The following UMAD1 variants were observed in gnomAD, a reference collection of about 807,000 sequenced individuals.
UMAD1 encodes the protein UBAP1-MVB12-associated (UMA)-domain containing protein 1.
Under a neutral mutation model 6.1 loss-of-function variants are expected in UMAD1, and 8 were observed. That is an observed-to-expected ratio of 1.30 (90% CI 0.76 to 2.35). The LOEUF is 2.35. Among genes scored for constraint, UMAD1 ranks in the 30% most tolerant of loss-of-function variants. The pLI, the probability that UMAD1 is intolerant of heterozygous loss-of-function variation, is 0.00. For missense variants in UMAD1, 130 were observed against 78.4 expected (o/e 1.66, Z -2.49); for synonymous variants, 56 against 31.4 (o/e 1.78, Z -2.61).
At position 7,878,364 on chromosome 7, in the gene UMAD1, G is replaced by C. The variant is rs1379041683; in HGVS notation, c.*826G>C. On this transcript the variant is annotated 3_prime_UTR_variant, in exon 4 of 4. Transcript: ENST00000682710. ...TGCCTCCTGAAGAAAAACATCTCAT[G>C]ATGATACATATTATTGCTGATAACA... is the stretch of plus-strand genomic sequence containing the variant. 3 of 152,148 alleles carry C rather than the reference G, an allele frequency of 2.0e-5. No individual in the cohort carries two copies. The highest frequency in any genetic ancestry group is 2.1e-4 in the South Asian group (1 of 4,822). 9.4% of individuals were successfully genotyped at this position (152,148 alleles called of 1,614,324 possible). A position where few individuals can be genotyped will look rare whatever the true frequency, so the allele number is the denominator to read the frequency against.
chr7:7,849,161 T>A (rs1276491323), intron 3 of UMAD1, among the ~76,000 whole-genome samples: 1 of 152,204 alleles, frequency 6.6e-6, no homozygotes, highest in African/African-American at 2.4e-5. Context: ...TGAGGATCTT[T>A]GCCAACATTA....
At chr7:7,776,304 A>T (rs1782206550) in intron 2 of UMAD1, among the ~76,000 whole-genome samples, 1 of 152,222 alleles carries the variant, frequency 6.6e-6, no homozygotes, top group Non-Finnish European at 1.5e-5. Context: ...CTAGAAAAGA[A>T]ATAAAAATAT....
chr7:7,821,242 C>T (rs1563233782), intron 3 of UMAD1, among the ~76,000 whole-genome samples: 1 of 151,958 alleles, frequency 6.6e-6, no homozygotes. Flanking sequence ...CCGCTTGTGG[C>T]TATTGAGCAC....
At chr7:7,665,327 G>A (rs576295352) in intron 1 of UMAD1, among the ~76,000 whole-genome samples, 1 of 152,288 alleles carries the variant, frequency 6.6e-6, no homozygotes, top group African/African-American at 2.4e-5. Flanking sequence ...CGCAGTCTGT[G>A]TATACCATTA....
intron 2 of UMAD1, among the ~76,000 whole-genome samples, chr7:7,778,419 TTTTC>T (rs1396490420): frequency 2.0e-5 from 3 of 151,786 alleles, no homozygotes; most frequent in Admixed American, 6.6e-5. Flanking sequence ...TTTTTCTTTT[TTTTC>T]TTTCTTTCTT....
rs1476334564 is a variant in UMAD1 at position 7,722,155 on chromosome 7, C to CTA, written c.82+48703_82+48704insAT. Among the ~76,000 whole-genome samples, 814 of 142,622 alleles carry CTA rather than the reference C, an allele frequency of 5.7e-3. 5 individuals are homozygous for CTA. The highest frequency in any genetic ancestry group is 0.02 in the African/African-American group (707 of 34,982). The allele number at this position is 142,622 out of a possible 152,430, so 93.6% of individuals were successfully genotyped here. On this transcript the variant is annotated intron_variant, in intron 2 of 3. Transcript: ENST00000682710. ...ACTCCTTAATAAACTCTCTCTCTCT[C>CTA]TCTATATATATATATGTATATATAT...
rs1412715722 is a variant in UMAD1, at chr7:7,877,914, A to G, written c.*376A>G. ...AAGTCTGAGCAAGAAGTGGGTGTGA[A>G]GTCTCCTCTCTGGTTTGTAGGAAGT... On this transcript the variant is annotated 3_prime_UTR_variant, in exon 4 of 4. Coordinates refer to ENST00000682710, the MANE Select transcript of UMAD1 (RefSeq NM_001302348.2). The G allele has an allele frequency of 5.5e-6, 1 of 181,806 alleles. No homozygotes were observed. Among genetic ancestry groups the G allele is most frequent in the Non-Finnish European group, 1.2e-5 (1 of 86,674 alleles). The allele number at this position is 181,806 out of a possible 1,614,324, so 11.3% of individuals were successfully genotyped here. A position where few individuals can be genotyped will look rare whatever the true frequency, so the allele number is the denominator to read the frequency against.
At chr7:7,688,506 A>G (rs1438535913) in intron 2 of UMAD1, among the ~76,000 whole-genome samples, 1 of 152,162 alleles carries the variant, frequency 6.6e-6, no homozygotes, top group Non-Finnish European at 1.5e-5. Context: ...TTCCTCATGC[A>G]GAGTGCCCAG....
chr7:7,764,240 A>T (rs1781945823), intron 2 of UMAD1, among the ~76,000 whole-genome samples: 2 of 152,176 alleles, frequency 1.3e-5, no homozygotes, highest in Non-Finnish European at 2.9e-5. Context: ...GAAATCTCTT[A>T]CAAATGTCAG....
At chr7:7,820,080 G>T (rs1783212112) in intron 3 of UMAD1, among the ~76,000 whole-genome samples, 1 of 152,022 alleles carries the variant, frequency 6.6e-6, no homozygotes, top group Non-Finnish European at 1.5e-5. Context: ...CAAATTTTAG[G>T]GCATCACAGG....
At chr7:7,876,512 C>T (rs1784422638) in intron 3 of UMAD1, among the ~76,000 whole-genome samples, 1 of 152,124 alleles carries the variant, frequency 6.6e-6, no homozygotes, top group South Asian at 2.1e-4. Context: ...AAATAAATTT[C>T]AGTTTATTAT....
At position 7,830,286 on chromosome 7, in the gene UMAD1, T is replaced by C. The variant is rs1783436081; in HGVS notation, c.156+28543T>C. 1.3e-5 allele frequency among the ~76,000 whole-genome samples: 2 copies of C among 152,084 alleles called. No individual in the cohort carries two copies. Among genetic ancestry groups the C allele is most frequent in the Admixed American group, 1.3e-4 (2 of 15,258 alleles). ...CTGTCTGCTTGCTAAAGATTGAGTG[T>C]GGAATACCTTTTTTGTAGCAGCTGC... On this transcript the variant is annotated intron_variant, in intron 3 of 3. Transcript: ENST00000682710. The surrounding 1 kb of genome is among the most constrained non-coding windows in gnomAD (Gnocchi z 5.3).
At chr7:7,662,080 G>C (rs1357282587) in intron 1 of UMAD1, among the ~76,000 whole-genome samples, 1 of 152,172 alleles carries the variant, frequency 6.6e-6, no homozygotes, top group Admixed American at 6.5e-5. Flanking sequence ...TGCCCAGTTG[G>C]ATCTTTCCCG....
chr7:7,844,567 T>C (rs1783749012), intron 3 of UMAD1, among the ~76,000 whole-genome samples: 1 of 152,216 alleles, frequency 6.6e-6, no homozygotes, highest in Admixed American at 6.5e-5. Context: ...AAGATCAAAA[T>C]GACAGCTCTT....
intron 3 of UMAD1, among the ~76,000 whole-genome samples, chr7:7,841,841 T>A (rs1783688022): frequency 6.6e-6 from 1 of 152,186 alleles, no homozygotes; most frequent in Non-Finnish European, 1.5e-5. Context: ...GAGACATACC[T>A]CCTATATTTT....
At chr7:7,699,049 TGG>T (rs63713363) in intron 2 of UMAD1, among the ~76,000 whole-genome samples, 51,204 of 143,612 alleles carry the variant, frequency 0.36, 8,855 homozygotes, top group South Asian at 0.39. Context: ...TGTGTGTGTG[TGG>T]GGGGGGGGTA....
chr7:7,779,340 A>T (rs1403682101), intron 2 of UMAD1, among the ~76,000 whole-genome samples: 1 of 152,096 alleles, frequency 6.6e-6, no homozygotes, highest in East Asian at 1.9e-4. Context: ...GCAGTACTAC[A>T]ATCATAGCTG....
chr7:7,801,985 G>A (rs1782809172), intron 3 of UMAD1, among the ~76,000 whole-genome samples: 1 of 152,146 alleles, frequency 6.6e-6, no homozygotes, highest in South Asian at 2.1e-4. Flanking sequence ...CAGAAATCAA[G>A]TCCTTAAGTT....
chr7:7,849,726 C>CA (rs1324862664), intron 3 of UMAD1, among the ~76,000 whole-genome samples: 2 of 151,996 alleles, frequency 1.3e-5, no homozygotes, highest in Admixed American at 1.3e-4. Flanking sequence ...AATAGGCAAA[C>CA]AAATAAAATT....
Sources: allele counts gnomAD v4.1 joint callset (sites outside exome capture counted in the v4.1 genomes callset), GRCh38; gene constraint gnomAD v4.1.1; non-coding constraint Gnocchi (gnomAD v3.1); transcripts MANE v1.5; gene names NCBI Gene and HGNC (gene_info 2026-07-23, HGNC 2026-07-21).